Variants in TEX11 observed in about 807,000 individuals in gnomAD.
TEX11 encodes testis expressed 11.
Under a neutral mutation model 84.4 loss-of-function variants are expected in TEX11, and 7 were observed. That is an observed-to-expected ratio of 0.08 (90% CI 0.05 to 0.16). The LOEUF is 0.16. TEX11 is among the 10% of genes least tolerant of loss of function. The pLI is 1.00. For synonymous variants in TEX11, 264 were observed against 222.8 expected (o/e 1.18, Z -1.64); for missense variants, 551 against 660.5 (o/e 0.83, Z 1.82).
intron 7 of TEX11, among the ~76,000 whole-genome samples, chrX:70,837,814 T>A (rs1602168355): frequency 1.8e-5 from 2 of 111,856 alleles, no homozygotes; most frequent in African/African-American, 6.5e-5. Flanking sequence ...TGTGTGGTAA[T>A]GAAACTGTTC....
At chrX:70,756,115 G>T (rs1363290274) in intron 9 of TEX11, among the ~76,000 whole-genome samples, 1 of 112,516 alleles carries the variant, frequency 8.9e-6, no homozygotes, top group Admixed American at 9.3e-5. Flanking sequence ...CAGGAAGCTC[G>T]AACTGGGCGG....
intron 11 of TEX11, among the ~76,000 whole-genome samples, chrX:70,731,221 C>A (rs1350822153): frequency 9.0e-6 from 1 of 111,513 alleles, no homozygotes; most frequent in Non-Finnish European, 1.9e-5. Flanking sequence ...AAAATTGACA[C>A]CCTAGCATCA....
chrX:70,712,170 C>T (rs1322865669), intron 13 of TEX11, among the ~76,000 whole-genome samples: 1 of 111,544 alleles, frequency 9.0e-6, no homozygotes, highest in African/African-American at 3.3e-5. Context: ...GGTACCAGTA[C>T]TATGCTGTTT....
intron 9 of TEX11, among the ~76,000 whole-genome samples, chrX:70,746,374 A>G (rs59778298): frequency 9.0e-6 from 1 of 111,436 alleles, no homozygotes; most frequent in South Asian, 3.9e-4. Context: ...TTCTACCCCA[A>G]ATGTGACAGG....
At chrX:70,609,870 GA>G (rs1248250603) in intron 21 of TEX11, among the ~76,000 whole-genome samples, 2 of 110,047 alleles carry the variant, frequency 1.8e-5, no homozygotes, top group East Asian at 2.9e-4. Flanking sequence ...CATGTAGTTA[GA>G]AAAAAAATGT....
intron 20 of TEX11, among the ~76,000 whole-genome samples, chrX:70,617,916 T>G (rs1325018050): frequency 8.9e-6 from 1 of 112,298 alleles, no homozygotes; most frequent in Non-Finnish European, 1.9e-5. Flanking sequence ...GCTGCTGGAT[T>G]CTATTGTCAT....
rs1027205551 is a variant in TEX11, at chrX:70,675,530, CCTTT to C, written c.1242+3270_1242+3273del. Among the ~76,000 whole-genome samples the C allele has an allele frequency of 4.1e-4, 43 of 105,175 alleles. No homozygotes were observed. In the South Asian group the frequency reaches 0.012, roughly 29 times the overall value. The allele number at this position is 105,175 out of a possible 115,157, so 91.3% of individuals were successfully genotyped here. A position where few individuals can be genotyped will look rare whatever the true frequency, so the allele number is the denominator to read the frequency against. On this transcript the variant is annotated intron_variant, in intron 15 of 29. Coordinates refer to ENST00000374333, the MANE Select transcript of TEX11 (RefSeq NM_031276.3). Reference sequence around the variant, plus strand: ...CCCTCCTCCTAGCCCCTGGAAACCACCTTTCTTTCTTTTCTTTTTCTTTTTCTTT... The same window carrying C: ...CCCTCCTCCTAGCCCCTGGAAACCACCTTTCTTTTCTTTTTCTTTTTCTTT...
At chrX:70,844,047 G>A (rs895666029) in intron 7 of TEX11, among the ~76,000 whole-genome samples, 2 of 110,535 alleles carry the variant, frequency 1.8e-5, no homozygotes, top group African/African-American at 6.6e-5. Flanking sequence ...GTGGAAGTCA[G>A]TGTGGCGATT....
chrX:70,856,460 A>G (rs2091537132), intron 5 of TEX11, among the ~76,000 whole-genome samples: 1 of 111,375 alleles, frequency 9.0e-6, no homozygotes, highest in African/African-American at 3.2e-5. Context: ...ATATTTGCAT[A>G]TAACCTATAC....
intron 24 of TEX11, among the ~76,000 whole-genome samples, chrX:70,594,694 C>T (rs991900136): frequency 9.0e-6 from 1 of 110,863 alleles, no homozygotes. Flanking sequence ...ATGTGTGGTG[C>T]GAGGGACCCA....
intron 13 of TEX11, among the ~76,000 whole-genome samples, chrX:70,711,075 G>A (rs927663188): frequency 5.4e-5 from 6 of 110,445 alleles, no homozygotes; most frequent in Admixed American, 1.9e-4. Flanking sequence ...TGCTGAGAAT[G>A]ATGGTTTCCA....
intron 8 of TEX11, among the ~76,000 whole-genome samples, chrX:70,811,573 T>C (rs1210036890): frequency 9.0e-6 from 1 of 111,588 alleles, no homozygotes; most frequent in South Asian, 3.8e-4. Flanking sequence ...ATGGTATTTC[T>C]AGTTCAAGAT....
At chrX:70,714,486 T>G (rs1401043606) in intron 13 of TEX11, among the ~76,000 whole-genome samples, 3 of 111,760 alleles carry the variant, frequency 2.7e-5, no homozygotes, top group Non-Finnish European at 5.6e-5. Flanking sequence ...CTGTATTGGG[T>G]GCATATATAT....
At chrX:70,861,022 G>C in intron 4 of TEX11, 86 bp from the exon 5 acceptor site, 1 of 593,743 alleles carries the variant, frequency 1.7e-6, no homozygotes, top group Non-Finnish European at 2.5e-6. Flanking sequence ...ATTGAAGGAA[G>C]CCAGTTTTGT....
intron 25 of TEX11, among the ~76,000 whole-genome samples, chrX:70,569,817 C>T (rs942610467): frequency 1.8e-5 from 2 of 111,382 alleles, no homozygotes; most frequent in Admixed American, 9.5e-5. Context: ...TCTGCCCCTA[C>T]TGGGGGGTGC....
intron 18 of TEX11, 124 bp downstream of exon 18, chrX:70,629,487 A>G (rs1603164444): frequency 1.2e-6 from 1 of 804,746 alleles, no homozygotes; most frequent in Admixed American, 3.1e-5. Flanking sequence ...CAAGTTTGGC[A>G]TGAAAATATG....
chrX:70,817,250 TATATACACAC>T (rs2091292846), intron 8 of TEX11, among the ~76,000 whole-genome samples: 1 of 91,407 alleles, frequency 1.1e-5, no homozygotes, highest in Non-Finnish European at 2.2e-5. Context: ...CACACATATA[TATATACACAC>T]ACACACACAC....
intron 25 of TEX11, among the ~76,000 whole-genome samples, chrX:70,559,498 A>G (rs2088334556): frequency 8.9e-6 from 1 of 112,155 alleles, no homozygotes; most frequent in Non-Finnish European, 1.9e-5. Flanking sequence ...GTGGTTGCAC[A>G]TATCTGTGAA....
At chrX:70,784,963 T>C (rs1265040534) in intron 9 of TEX11, among the ~76,000 whole-genome samples, 2 of 111,695 alleles carry the variant, frequency 1.8e-5, no homozygotes, top group Non-Finnish European at 3.8e-5. Flanking sequence ...CTTCACAGAA[T>C]TGGAAAAAAC....
Sources: gnomAD v4.1 joint callset for allele counts (sites outside exome capture counted in the v4.1 genomes callset) on GRCh38, gnomAD v4.1.1 for gene constraint, MANE v1.5 for transcripts, NCBI Gene and HGNC (gene_info 2026-07-23, HGNC 2026-07-21) for gene names.